Variants in SNX13 observed in about 807,000 individuals in gnomAD.
The protein encoded by SNX13 is sorting nexin 13, also known as sorting nexin-13.
A neutral mutation model predicts 133.6 loss-of-function variants in SNX13; 45 were observed. That is an observed-to-expected ratio of 0.34 (90% confidence interval 0.27 to 0.43). The LOEUF (loss-of-function observed/expected upper bound fraction) is 0.43, where lower values mean the gene tolerates loss of function less well. SNX13 is among the 20% of genes least tolerant of loss of function. The pLI is 1.00. For missense variants in SNX13, 1,032 were observed against 1,145.1 expected (o/e 0.90, Z 1.43); for synonymous variants, 414 against 373.9 (o/e 1.11, Z -1.24).
chr7:17,833,751 T>C (rs534057116), intron 15 of SNX13, among the ~76,000 whole-genome samples: 164 of 151,830 alleles, frequency 1.1e-3, no homozygotes, highest in South Asian at 4.1e-3. Context: ...ATCATGAATA[T>C]TGTTACTTAC....
chr7:17,839,479 CG>C (rs1325843791), intron 13 of SNX13, among the ~76,000 whole-genome samples: 2 of 151,764 alleles, frequency 1.3e-5, no homozygotes. Flanking sequence ...AACATATATA[CG>C]TTTTTTAAAT....
chr7:17,873,968 C>T (rs1794406166), intron 7 of SNX13, among the ~76,000 whole-genome samples: 1 of 152,140 alleles, frequency 6.6e-6, no homozygotes, highest in South Asian at 2.1e-4. Flanking sequence ...GTTATTCACA[C>T]ATATAAAAAC....
chr7:17,832,321 A>T (rs1392193127), intron 15 of SNX13: 2 of 984,522 alleles, frequency 2.0e-6, no homozygotes, highest in East Asian at 2.3e-4. Flanking sequence ...CTAGAAATCC[A>T]TTTAAAGGAC....
rs1288396421 is a variant in SNX13 at position 17,905,375 on chromosome 7, TA to T, written c.13-7930del. 8.5e-5 allele frequency among the ~76,000 whole-genome samples: 13 copies of T among 152,250 alleles called. No homozygotes were observed. The South Asian group carries it at 2.5e-3, about 29-fold the overall frequency. ...TTCTGCCCCTAATATGCTCAGAAGC[TA>T]AAAAGGTAAAATATACATGTAATGA... On this transcript the variant is annotated intron_variant, in intron 1 of 25. Transcript: ENST00000428135.
intron 9 of SNX13, among the ~76,000 whole-genome samples, chr7:17,867,080 T>C (rs1342027656): frequency 2.0e-5 from 3 of 152,232 alleles, no homozygotes; most frequent in African/African-American, 7.2e-5. Flanking sequence ...AAATAACTTC[T>C]TAGGAGTTCC....
In SNX13 at chr7:17,897,454, A is replaced by T; in HGVS notation, c.13-8T>A. 1 of 1,486,100 alleles carries T rather than the reference A, an allele frequency of 6.7e-7. No homozygotes were observed. Among genetic ancestry groups the T allele is most frequent in the South Asian group, 1.3e-5 (1 of 74,168 alleles). The allele number at this position is 1,486,100 out of a possible 1,614,324, so 92.1% of individuals were successfully genotyped here. A position where few individuals can be genotyped will look rare whatever the true frequency, so the allele number is the denominator to read the frequency against. The stretch of plus-strand genomic sequence containing the variant: ...CCATATGGATAGACTGGCCTGAAAT[A>T]CAGAAAAAATATAAGTAAATTAGTA... On this transcript the variant is annotated splice_region_variant and splice_polypyrimidine_tract_variant and intron_variant, in intron 1 of 25. Transcript: ENST00000428135.
intron 11 of SNX13, among the ~76,000 whole-genome samples, chr7:17,846,246 A>G (rs1790508461): frequency 6.8e-6 from 1 of 146,770 alleles, no homozygotes; most frequent in African/African-American, 2.5e-5. Context: ...CCTACATATG[A>G]AAAAAAAAAA....
intron 1 of SNX13, among the ~76,000 whole-genome samples, chr7:17,915,356 AC>A (rs1187599609): frequency 3.3e-5 from 5 of 152,158 alleles, no homozygotes; most frequent in East Asian, 1.9e-4. Context: ...GCTGAGCAAA[AC>A]CCTGATTACA....
chr7:17,852,585 C>A (rs1231500734), intron 9 of SNX13, among the ~76,000 whole-genome samples: 2 of 152,064 alleles, frequency 1.3e-5, no homozygotes, highest in African/African-American at 4.8e-5. Context: ...CAACAGTCAA[C>A]CCTCTTATAA....
chr7:17,854,746 G>A (rs554509622), intron 9 of SNX13, among the ~76,000 whole-genome samples: 36 of 152,132 alleles, frequency 2.4e-4, no homozygotes, highest in South Asian at 4.1e-4. Flanking sequence ...CCATTCCTCC[G>A]TCTCTCTCCC....
chr7:17,809,759 TAACA>T (rs1337907041), intron 20 of SNX13, among the ~76,000 whole-genome samples: 9 of 152,276 alleles, frequency 5.9e-5, no homozygotes, highest in African/African-American at 1.9e-4. Flanking sequence ...ATGGAAATCA[TAACA>T]AACAGTCTCT....
intron 15 of SNX13, among the ~76,000 whole-genome samples, chr7:17,833,535 A>T (rs1788765146): frequency 1.3e-5 from 2 of 151,626 alleles, no homozygotes; most frequent in Non-Finnish European, 1.5e-5. Flanking sequence ...AGAACTCATT[A>T]TCCTCACTGG....
At chr7:17,850,777 T>G (rs992324780) in intron 10 of SNX13, 49 bp downstream of exon 10, 1 of 1,363,288 alleles carries the variant, frequency 7.3e-7, no homozygotes, top group Non-Finnish European at 9.6e-7. Context: ...GTTTTGAAGA[T>G]AAAATAATAC....
chr7:17,831,215 T>G (rs1460617870), intron 15 of SNX13: 1 of 984,118 alleles, frequency 1.0e-6, no homozygotes, highest in Non-Finnish European at 1.2e-6. Flanking sequence ...AAATCAATCT[T>G]GGTCGACATT....
chr7:17,811,633 A>G (rs1363510329), intron 20 of SNX13, among the ~76,000 whole-genome samples: 1 of 152,224 alleles, frequency 6.6e-6, no homozygotes, highest in Non-Finnish European at 1.5e-5. Context: ...TCTTCACAGA[A>G]TTAGAAAAAA....
At chr7:17,902,709 A>G (rs1163046029) in intron 1 of SNX13, among the ~76,000 whole-genome samples, 1 of 152,204 alleles carries the variant, frequency 6.6e-6, no homozygotes, top group Non-Finnish European at 1.5e-5. Context: ...TCTATATGAC[A>G]GTGATTTACA....
intron 16 of SNX13, among the ~76,000 whole-genome samples, chr7:17,826,679 A>G (rs1284777060): frequency 1.3e-5 from 2 of 152,116 alleles, no homozygotes; most frequent in Non-Finnish European, 2.9e-5. Context: ...ATAGACTATG[A>G]TAGATTTTAA....
At chr7:17,844,539 T>C (rs943226276) in intron 12 of SNX13, among the ~76,000 whole-genome samples, 1 of 152,054 alleles carries the variant, frequency 6.6e-6, no homozygotes, top group Non-Finnish European at 1.5e-5. Flanking sequence ...AAACACTTCC[T>C]AACTCATTCT....
At chr7:17,868,564 C>T (rs1583551841) in intron 8 of SNX13, 74 bp from the exon 9 acceptor site, 1 of 1,143,334 alleles carries the variant, frequency 8.7e-7, no homozygotes, top group East Asian at 2.6e-5. Flanking sequence ...AATATTCTAA[C>T]ACAATGCTGT....
Sources: allele counts gnomAD v4.1 joint callset (sites outside exome capture counted in the v4.1 genomes callset), GRCh38; gene constraint gnomAD v4.1.1; transcripts MANE v1.5; gene names NCBI Gene and HGNC (gene_info 2026-07-23, HGNC 2026-07-21).